The following B3GNT3 variants were observed in gnomAD, a reference collection of about 807,000 sequenced individuals.
B3GNT3 encodes UDP-GlcNAc:betaGal beta-1,3-N-acetylglucosaminyltransferase 3, also known as N-acetyllactosaminide beta-1,3-N-acetylglucosaminyltransferase 3.
In B3GNT3, 7 loss-of-function variants were observed where a neutral mutation model predicts 11.6. The observed-to-expected ratio is 0.60, with a 90% CI of 0.34 to 1.13. The LOEUF is 1.13. B3GNT3 is among the 50% of genes most tolerant of loss of function. The pLI is 0.03. For missense variants in B3GNT3, 400 were observed against 507.4 expected (o/e 0.79, Z 2.03); for synonymous variants, 201 against 222.1 (o/e 0.90, Z 0.85).
chr19:17,802,449 C>A (rs2094167473), intron 1 of B3GNT3, among the ~76,000 whole-genome samples: 1 of 152,172 alleles, frequency 6.6e-6, no homozygotes, highest in South Asian at 2.1e-4. Flanking sequence ...GGGCTTCAGG[C>A]TGGCTGGGCA....
chr19:17,811,852 G>A lies in B3GNT3; in HGVS notation c.849G>A (p.Leu283=). The A allele has an allele frequency of 1.9e-6, 3 of 1,614,196 alleles. No homozygotes were observed. The highest frequency in any genetic ancestry group is 1.7e-5 in the Admixed American group (1 of 60,030). Residue 283 remains leucine (L), a synonymous_variant, in exon 3 of 3, where the codon CTG becomes CTA. Transcript: ENST00000318683. The surrounding 1 kb of genome is among the most constrained non-coding windows in gnomAD (Gnocchi z 4.1). ...FLLSRFTAAA[L]RRAAHVLDIF... ...TGTCCCGCTTCACGGCCGCTGCCCTGCGCCGTGCTGCCCATGTCTTGGACA... is the reference window on the plus strand; with the variant it reads ...TGTCCCGCTTCACGGCCGCTGCCCTACGCCGTGCTGCCCATGTCTTGGACA...
chr19:17,798,569 G>A (rs2094162112), intron 1 of B3GNT3, among the ~76,000 whole-genome samples: 2 of 152,052 alleles, frequency 1.3e-5, no homozygotes, highest in African/African-American at 2.4e-5. Flanking sequence ...TTCTCTGGAG[G>A]CTGAGACAGG....
chr19:17,807,047 C>T (rs1040526106), intron 1 of B3GNT3, among the ~76,000 whole-genome samples: 3 of 150,140 alleles, frequency 2.0e-5, no homozygotes, highest in African/African-American at 7.4e-5. Flanking sequence ...CTCATGGTCA[C>T]TGAGGCGGTC....
At chr19:17,807,479 A>AAG (rs1555739864) in intron 1 of B3GNT3, among the ~76,000 whole-genome samples, 66 of 146,738 alleles carry the variant, frequency 4.5e-4, no homozygotes, top group South Asian at 1.7e-3. Flanking sequence ...GCAACAGAAC[A>AAG]AGAGAGAGAG....
At chr19:17,808,469 G>A (rs933079504) in intron 2 of B3GNT3, 95 bp downstream of exon 2, 25 of 1,302,780 alleles carry the variant, frequency 1.9e-5, no homozygotes, top group Non-Finnish European at 2.3e-5. Context: ...AGAAGTCCTC[G>A]TCAGTCCATC....
Position 17,812,551 on chromosome 19 carries a change from C to A in B3GNT3, c.*429C>A, listed in dbSNP as rs1242874368. On this transcript the variant is annotated 3_prime_UTR_variant, in exon 3 of 3. Transcript: ENST00000318683. ...CCAGGCCAGCCAGAAACTCCTGTGT[C>A]CACATAGAGCTGACGTGAGAAATAT... 1 of 180,786 alleles carries A rather than the reference C, an allele frequency of 5.5e-6. No homozygotes were observed. Among genetic ancestry groups the A allele is most frequent in the Non-Finnish European group, 1.2e-5 (1 of 85,660 alleles). The allele number at this position is 180,786 out of a possible 1,614,324, so 11.2% of individuals were successfully genotyped here.
At chr19:17,797,978 C>T (rs544651092) in intron 1 of B3GNT3, among the ~76,000 whole-genome samples, 5 of 152,288 alleles carry the variant, frequency 3.3e-5, no homozygotes, top group Admixed American at 6.5e-5. Flanking sequence ...CCCACCAACC[C>T]GCCCTGGCCT....
At chr19:17,795,566 T>C (rs1568388729) in intron 1 of B3GNT3, among the ~76,000 whole-genome samples, 2 of 152,158 alleles carry the variant, frequency 1.3e-5, no homozygotes, top group Non-Finnish European at 1.5e-5. Flanking sequence ...GGCCCCTTGG[T>C]TGGGAGTATC....
chr19:17,813,077 C>CTTGGAGATCT lies in B3GNT3; in HGVS notation c.*958_*967dup, dbSNP rs2094183285. ...TGGGGAATATAAAATTTTGTGAAGACTTGGAGATCTTTTTTTTTTTTTAAG... is the reference window on the plus strand; with the variant it reads ...TGGGGAATATAAAATTTTGTGAAGACTTGGAGATCTTTGGAGATCTTTTTTTTTTTTTAAG... On this transcript the variant is annotated 3_prime_UTR_variant, in exon 3 of 3. Coordinates refer to ENST00000318683, the MANE Select transcript of B3GNT3 (RefSeq NM_014256.4). 1 of 151,444 alleles carries CTTGGAGATCT rather than the reference C, an allele frequency of 6.6e-6. No individual in the cohort carries two copies. The highest frequency in any genetic ancestry group is 2.4e-5 in the African/African-American group (1 of 41,330). The allele number at this position is 151,444 out of a possible 1,614,324, so 9.4% of individuals were successfully genotyped here. A position where few individuals can be genotyped will look rare whatever the true frequency, so the allele number is the denominator to read the frequency against.
At position 17,812,299 on chromosome 19, in the gene B3GNT3, T is replaced by A; in HGVS notation, c.*177T>A. Reference sequence around the variant, plus strand: ...TCCTACACATCCTTCAAAACCCACCTGGTACTGTTCCAGCATCTTCCCTGG... The same window carrying A: ...TCCTACACATCCTTCAAAACCCACCAGGTACTGTTCCAGCATCTTCCCTGG... On this transcript the variant is annotated 3_prime_UTR_variant, in exon 3 of 3. Coordinates refer to ENST00000318683, the MANE Select transcript of B3GNT3 (RefSeq NM_014256.4). 1.6e-6 allele frequency: 1 copy of A among 636,370 alleles called. No homozygotes were observed. The highest frequency in any genetic ancestry group is 2.6e-6 in the Non-Finnish European group (1 of 377,694). The allele number at this position is 636,370 out of a possible 1,614,324, so 39.4% of individuals were successfully genotyped here.
chr19:17,799,829 C>T (rs557416648), intron 1 of B3GNT3, among the ~76,000 whole-genome samples: 2 of 151,750 alleles, frequency 1.3e-5, no homozygotes, highest in South Asian at 2.1e-4. Context: ...CCCTGAAGAG[C>T]AATCCAGAAG....
chr19:17,798,720 A>G (rs1432267420), intron 1 of B3GNT3, among the ~76,000 whole-genome samples: 2 of 151,716 alleles, frequency 1.3e-5, no homozygotes, highest in Non-Finnish European at 2.9e-5. Flanking sequence ...CACAACTGTA[A>G]TCCCTGCACT....
At chr19:17,799,023 TG>T in intron 1 of B3GNT3, among the ~76,000 whole-genome samples, 1 of 152,254 alleles carries the variant, frequency 6.6e-6, no homozygotes. Context: ...ATGTGCCACT[TG>T]GAGAAAAGGC....
Position 17,813,008 on chromosome 19 carries a change from GTGTC to G in B3GNT3, c.*889_*892del, listed in dbSNP as rs1335334291. On this transcript the variant is annotated 3_prime_UTR_variant, in exon 3 of 3. Coordinates refer to ENST00000318683, the MANE Select transcript of B3GNT3 (RefSeq NM_014256.4). The stretch of plus-strand genomic sequence containing the variant: ...CTGTAGCCCCCAGCTTCAGGCCTCA[GTGTC>G]TGCCAGTCAAGCTTCACAGGCATTG... 6.6e-6 allele frequency: 1 copy of G among 152,144 alleles called. No individual in the cohort carries two copies. The highest frequency in any genetic ancestry group is 2.4e-5 in the African/African-American group (1 of 41,430). The allele number at this position is 152,144 out of a possible 1,614,324, so 9.4% of individuals were successfully genotyped here. A position where few individuals can be genotyped will look rare whatever the true frequency, so the allele number is the denominator to read the frequency against.
intron 1 of B3GNT3, among the ~76,000 whole-genome samples, chr19:17,802,912 A>T (rs1174284198): frequency 6.6e-6 from 1 of 150,406 alleles, no homozygotes; most frequent in African/African-American, 2.5e-5. Flanking sequence ...CTGGTCTTGA[A>T]CTCCTAGGCT....
chr19:17,797,377 C>T (rs1287723306), intron 1 of B3GNT3, among the ~76,000 whole-genome samples: 1 of 152,060 alleles, frequency 6.6e-6, no homozygotes, highest in Non-Finnish European at 1.5e-5. Flanking sequence ...GAGGAGGGGC[C>T]CAGGAGACCT....
rs749763207 is a variant in B3GNT3 at position 17,811,971 on chromosome 19, G to A, written c.968G>A (p.Arg323Gln). The stretch of plus-strand genomic sequence containing the variant: ...AGCGGCATCCGCACGTCTGGCGTGC[G>A]GGCTCCATCGCAACGCCTGTCCTCC... ...SHSGIRTSGVRAPSQRLSSFD... is the reference protein window; with the variant it reads ...SHSGIRTSGVQAPSQRLSSFD... The change falls in exon 3 of 3, where the codon CGG (arginine) becomes CAG (glutamine). Residue 323 changes from arginine (R) to glutamine (Q), a missense_variant. By Grantham distance (43) the Arg-to-Gln change is conservative. Transcript: ENST00000318683. This position sits in a 1 kb window ranked among gnomAD's most constrained non-coding sequence, Gnocchi z 4.1. The A allele has an allele frequency of 1.0e-5, 16 of 1,607,222 alleles. No individual in the cohort carries two copies. The highest frequency in any genetic ancestry group is 4.4e-5 in the South Asian group (4 of 91,090).
In B3GNT3 at chr19:17,812,262, T is replaced by G; in HGVS notation, c.*140T>G. On this transcript the variant is annotated 3_prime_UTR_variant, in exon 3 of 3. Coordinates refer to ENST00000318683, the MANE Select transcript of B3GNT3 (RefSeq NM_014256.4). The stretch of plus-strand genomic sequence containing the variant: ...TTTGAGGTTTGATGAGTGAATATTC[T>G]GGCTGGCGAACTCCTACACATCCTT... 14 of 915,340 alleles carry G rather than the reference T, an allele frequency of 1.5e-5. No homozygotes were observed. The highest frequency in any genetic ancestry group is 1.6e-5 in the Non-Finnish European group (10 of 627,750). The allele number at this position is 915,340 out of a possible 1,614,324, so 56.7% of individuals were successfully genotyped here.
chr19:17,799,269 C>CTTT (rs35086710), intron 1 of B3GNT3, among the ~76,000 whole-genome samples: 29 of 117,242 alleles, frequency 2.5e-4, no homozygotes, highest in Non-Finnish European at 2.9e-4. Flanking sequence ...ACCATTCCAG[C>CTTT]TTTTTTTTTT....
Sources: gnomAD v4.1 joint callset for allele counts (sites outside exome capture counted in the v4.1 genomes callset) on GRCh38, gnomAD v4.1.1 for gene constraint, Gnocchi (gnomAD v3.1) non-coding constraint, MANE v1.5 for transcripts, NCBI Gene and HGNC (gene_info 2026-07-23, HGNC 2026-07-21) for gene names.